Variants in CORO2B observed in about 807,000 individuals in gnomAD.
CORO2B encodes the protein coronin 2B.
Under a neutral mutation model 58.8 loss-of-function variants are expected in CORO2B, and 26 were observed. That is an observed-to-expected ratio of 0.44 (90% CI 0.32 to 0.61). The LOEUF is 0.61. Ranked by LOEUF, CORO2B falls within the 20% of genes least tolerant of loss-of-function variation. CORO2B has a pLI of 0.04. For missense variants in CORO2B, 460 were observed against 645.1 expected, an observed-to-expected ratio of 0.71 and a Z score of 3.11; for synonymous variants, 242 against 253.8, an observed-to-expected ratio of 0.95 and a Z score of 0.44.
At chr15:68,627,748 C>T (rs1900723902) in intron 1 of CORO2B, among the ~76,000 whole-genome samples, 1 of 152,098 alleles carries the variant, frequency 6.6e-6, no homozygotes. Context: ...CTGAATCTTG[C>T]AGGGGTAGCC....
chr15:68,698,991 G>C (rs567301358), intron 3 of CORO2B, among the ~76,000 whole-genome samples: 1 of 152,212 alleles, frequency 6.6e-6, no homozygotes, highest in African/African-American at 2.4e-5. Flanking sequence ...GCAGAGAGGA[G>C]AAGAGGTAGT....
chr15:68,681,347 C>T (rs1282260702), intron 2 of CORO2B, among the ~76,000 whole-genome samples: 9 of 151,998 alleles, frequency 5.9e-5, no homozygotes, highest in African/African-American at 1.9e-4. Flanking sequence ...CCCAGAGGAG[C>T]AGGCCTTTCT....
At chr15:68,596,510 G>C (rs1899833997) in intron 1 of CORO2B, among the ~76,000 whole-genome samples, 4 of 152,166 alleles carry the variant, frequency 2.6e-5, no homozygotes, top group Admixed American at 2.6e-4. Flanking sequence ...CAGTGAGCAG[G>C]CCTGGTCTGG....
chr15:68,574,426 G>A (rs1462591047), upstream of CORO2B, among the ~76,000 whole-genome samples: 2 of 152,176 alleles, frequency 1.3e-5, no homozygotes, highest in African/African-American at 4.8e-5. Context: ...TCTGGGATGG[G>A]TGCCCACAGC....
the CORO2B span, among the ~76,000 whole-genome samples, chr15:68,567,714 G>A: frequency 6.6e-6 from 1 of 152,166 alleles, no homozygotes; most frequent in Admixed American, 6.5e-5. Context: ...CTCCTTCAAA[G>A]TCCTGTAGAA....
intron 2 of CORO2B, among the ~76,000 whole-genome samples, chr15:68,690,543 A>G (rs998006457): frequency 3.9e-5 from 6 of 152,150 alleles, no homozygotes; most frequent in Non-Finnish European, 8.8e-5. Context: ...CCAGTACAGC[A>G]TAGCACAATT....
At chr15:68,534,934 T>C in the CORO2B span, among the ~76,000 whole-genome samples, 1 of 152,122 alleles carries the variant, frequency 6.6e-6, no homozygotes, top group Non-Finnish European at 1.5e-5. Flanking sequence ...AAGCATTAGA[T>C]CTTGTGAGAC....
At chr15:68,541,986 G>A in the CORO2B span, among the ~76,000 whole-genome samples, 2 of 152,140 alleles carry the variant, frequency 1.3e-5, no homozygotes, top group African/African-American at 2.4e-5. Context: ...TCCCTGCACC[G>A]TGGCCTGGAA....
chr15:68,691,824 G>A (rs542466310), intron 2 of CORO2B, among the ~76,000 whole-genome samples: 7 of 152,168 alleles, frequency 4.6e-5, no homozygotes, highest in South Asian at 2.1e-4. Flanking sequence ...TGTATCGCCC[G>A]TGGGCTGCTG....
At chr15:68,647,206 CA>C (rs1438734601) in intron 2 of CORO2B, among the ~76,000 whole-genome samples, 1 of 152,038 alleles carries the variant, frequency 6.6e-6, no homozygotes, top group African/African-American at 2.4e-5. Context: ...CTAAGAAAGC[CA>C]GGAATCCCCC....
the CORO2B span, among the ~76,000 whole-genome samples, chr15:68,534,408 A>G: frequency 1.3e-5 from 2 of 152,338 alleles, no homozygotes; most frequent in African/African-American, 4.8e-5. Flanking sequence ...CTTAAAGACA[A>G]AAATTTTGCC....
intron 2 of CORO2B, among the ~76,000 whole-genome samples, chr15:68,681,586 C>T (rs76420022): frequency 0.041 from 6,313 of 152,130 alleles, 297 homozygotes; most frequent in African/African-American, 0.11. Context: ...TTGGGTCTGT[C>T]ACACTTGAGA....
the CORO2B span, among the ~76,000 whole-genome samples, chr15:68,571,096 G>T: frequency 6.6e-6 from 1 of 152,196 alleles, no homozygotes; most frequent in Non-Finnish European, 1.5e-5. Context: ...AAGAATTTGG[G>T]ATAGTGATCT....
At chr15:68,520,949 T>C in the CORO2B span, among the ~76,000 whole-genome samples, 2 of 152,070 alleles carry the variant, frequency 1.3e-5, no homozygotes, top group Admixed American at 1.3e-4. Flanking sequence ...CTTGGGAGGC[T>C]GAAGCAGGAG....
chr15:68,652,421 C>T, intron 2 of CORO2B, among the ~76,000 whole-genome samples: 1 of 152,202 alleles, frequency 6.6e-6, no homozygotes, highest in East Asian at 1.9e-4. Context: ...AGGGGCACCA[C>T]CCCTTTCCTG....
rs372843642 is a variant in CORO2B at position 68,645,195 on chromosome 15, C to T, written c.51C>T (p.Phe17=). Residue 17 remains phenylalanine (F), a synonymous_variant, in exon 2 of 12, where the codon TTC becomes TTT. Coordinates refer to ENST00000261861, the MANE Select transcript of CORO2B (RefSeq NM_006091.5). The surrounding 1 kb of genome is among the most constrained non-coding windows in gnomAD (Gnocchi z 4.5). ...GTCCGCAATACCGTAGCTCCAAGTT[C>T]CGGAATGTCTACGGGAAGGTGGCCA... ...SWRPQYRSSK[F]RNVYGKVANR... is the part of the protein sequence containing the mutation. 3 of 1,614,106 alleles carry T rather than the reference C, an allele frequency of 1.9e-6. No homozygotes were observed. Among genetic ancestry groups the T allele is most frequent in the Non-Finnish European group, 2.5e-6 (3 of 1,180,058 alleles).
intron 2 of CORO2B, among the ~76,000 whole-genome samples, chr15:68,651,397 CCA>C (rs1357098941): frequency 6.6e-6 from 1 of 152,180 alleles, no homozygotes; most frequent in Non-Finnish European, 1.5e-5. Flanking sequence ...AGATGTTGTT[CCA>C]CACTAGCCGA....
At chr15:68,661,868 G>C (rs539524866) in intron 2 of CORO2B, among the ~76,000 whole-genome samples, 16 of 152,260 alleles carry the variant, frequency 1.1e-4, no homozygotes, top group Admixed American at 7.8e-4. Context: ...TTAGCCAGGT[G>C]TGATGGCGTG....
At chr15:68,670,265 G>A (rs1366385018) in intron 2 of CORO2B, among the ~76,000 whole-genome samples, 2 of 151,910 alleles carry the variant, frequency 1.3e-5, no homozygotes, top group Non-Finnish European at 2.9e-5. Context: ...ACCTCCACCC[G>A]CTGGGTTTAA....
Sources: allele counts gnomAD v4.1 joint callset (sites outside exome capture counted in the v4.1 genomes callset), GRCh38; gene constraint gnomAD v4.1.1; non-coding constraint Gnocchi (gnomAD v3.1); transcripts MANE v1.5; gene names NCBI Gene and HGNC (gene_info 2026-07-23, HGNC 2026-07-21).